Variants in CAPN2 observed in about 807,000 individuals in gnomAD.
The protein encoded by CAPN2 is calpain-2 catalytic subunit.
In CAPN2, 92 loss-of-function variants were observed where a neutral mutation model predicts 102.3. The observed-to-expected ratio is 0.90, with a 90% confidence interval of 0.76 to 1.07. The LOEUF (loss-of-function observed/expected upper bound fraction) is 1.07, where lower values mean the gene tolerates loss of function less well. Among genes scored for constraint, CAPN2 ranks in the 50% least tolerant of loss-of-function variants. CAPN2 has a pLI of 0.00. For synonymous variants in CAPN2, 340 were observed against 355.4 expected (o/e 0.96, Z 0.49); for missense variants, 800 against 909.4 (o/e 0.88, Z 1.55).
At chr1:223,768,962 G>C (rs1222148) in intron 16 of CAPN2, among the ~76,000 whole-genome samples, 46,208 of 151,980 alleles carry the variant, frequency 0.3, 10,182 homozygotes, top group African/African-American at 0.63. Context: ...CTTTCATGAG[G>C]ATCCTACTTC....
Position 223,774,867 on chromosome 1 carries a change from T to C in CAPN2, c.*10T>C, listed in dbSNP as rs1553256969. The C allele has an allele frequency of 1.2e-6, 2 of 1,611,330 alleles. No individual in the cohort carries two copies. The highest frequency in any genetic ancestry group is 1.6e-4 in the Middle Eastern group (1 of 6,082). The stretch of plus-strand genomic sequence containing the variant: ...TTTCTCAGTACTTTGAAGTTATAAC[T>C]AATCTGCCTGAAGACTTCTCATGAT... On this transcript the variant is annotated 3_prime_UTR_variant, in exon 21 of 21. Coordinates refer to ENST00000295006, the MANE Select transcript of CAPN2 (RefSeq NM_001748.5).
At chr1:223,757,082 G>A (rs1189689618) in intron 10 of CAPN2, among the ~76,000 whole-genome samples, 2 of 152,192 alleles carry the variant, frequency 1.3e-5, no homozygotes, top group African/African-American at 4.8e-5. Flanking sequence ...CTCTTTCCCT[G>A]CGTGGGAGGC....
chr1:223,771,825 T>C lies in CAPN2; in HGVS notation c.1920T>C (p.Cys640=). Residue 640 remains cysteine, a synonymous_variant, in exon 19 of 21, where the codon TGT becomes TGC. Transcript: ENST00000295006. ...TAACTTCAGGTTTCAAGATGCCCTG[T>C]CAACTCCACCAAGTCATCGTTGCTC... ...ALEEAGFKMP[C]QLHQVIVARF... The C allele has an allele frequency of 1.2e-6, 2 of 1,612,892 alleles. No individual in the cohort carries two copies. Among genetic ancestry groups the C allele is most frequent in the Non-Finnish European group, 8.5e-7 (1 of 1,178,826 alleles).
intron 2 of CAPN2, among the ~76,000 whole-genome samples, chr1:223,720,733 CTAAAG>C (rs1029741225): frequency 6.6e-6 from 1 of 152,182 alleles, no homozygotes; most frequent in African/African-American, 2.4e-5. Flanking sequence ...CATCCCAAAT[CTAAAG>C]TAAATATTCT....
At chr1:223,773,972 G>A (rs563342290) in intron 20 of CAPN2, among the ~76,000 whole-genome samples, 10 of 152,234 alleles carry the variant, frequency 6.6e-5, no homozygotes, top group East Asian at 1.9e-4. Context: ...AGTCAAGGCC[G>A]CAGTGAGCCA....
In CAPN2 at chr1:223,726,290, G is replaced by T. The variant is rs1660188046; in HGVS notation, c.307+8459G>T. On this transcript the variant is annotated intron_variant, in intron 2 of 20. Coordinates refer to ENST00000295006, the MANE Select transcript of CAPN2 (RefSeq NM_001748.5). This position sits in a 1 kb window ranked among gnomAD's most constrained non-coding sequence, Gnocchi z 4.4. Reference sequence around the variant, plus strand: ...TTCTGTGGGGTCTGTGATGAGAGCAGGGATGGGGAGGAAGAGGGTGGGTTT... The same window carrying T: ...TTCTGTGGGGTCTGTGATGAGAGCATGGATGGGGAGGAAGAGGGTGGGTTT... Among the ~76,000 whole-genome samples, 1 of 152,172 alleles carries T rather than the reference G, an allele frequency of 6.6e-6. No individual in the cohort carries two copies. The highest frequency in any genetic ancestry group is 2.1e-4 in the South Asian group (1 of 4,832).
intron 18 of CAPN2, chr1:223,771,108 T>A (rs1241039170): frequency 6.5e-6 from 1 of 153,306 alleles, no homozygotes; most frequent in African/African-American, 2.4e-5. Context: ...CCTCCTACTA[T>A]CCTACCATGT....
At chr1:223,757,842 TTTG>T (rs1041681248) in intron 11 of CAPN2, 26 of 150,172 alleles carry the variant, frequency 1.7e-4, no homozygotes, top group Admixed American at 1.0e-3. Flanking sequence ...ATTTCAGGGT[TTTG>T]TTTTTTTTTT....
rs537042023 is a variant in CAPN2 at position 223,753,787 on chromosome 1, A to G, written c.1135+831A>G. 2.1e-4 allele frequency among the ~76,000 whole-genome samples: 32 copies of G among 152,358 alleles called. 1 individual carries two copies. The South Asian group carries it at 6.4e-3, about 31-fold the overall frequency. ...TGCACAAAATTATTTTAAATATGCT[A>G]TAGAATTACCTTCAGCCTATGTGTA... On this transcript the variant is annotated intron_variant, in intron 9 of 20. Transcript: ENST00000295006.
intron 2 of CAPN2, among the ~76,000 whole-genome samples, chr1:223,736,349 G>A (rs1339429410): frequency 6.6e-6 from 1 of 152,202 alleles, no homozygotes; most frequent in African/African-American, 2.4e-5. Flanking sequence ...GCATCGGGCA[G>A]GTGCCTCCTG....
chr1:223,702,105 A>AGAAGGAAAGAAGGAAGGAAG (rs1659495148), intron 1 of CAPN2, among the ~76,000 whole-genome samples: 2 of 84,604 alleles, frequency 2.4e-5, no homozygotes, highest in Non-Finnish European at 4.3e-5. Context: ...AAAGAAGGAA[A>AGAAGGAAAGAAGGAAGGAAG]GAAGGAAGGA....
At chr1:223,735,268 A>C (rs755610492) in intron 2 of CAPN2, among the ~76,000 whole-genome samples, 1 of 152,172 alleles carries the variant, frequency 6.6e-6, no homozygotes, top group African/African-American at 2.4e-5. Context: ...TGGCTCATGC[A>C]TGTAATCCCA....
At position 223,731,382 on chromosome 1, in the gene CAPN2, C is replaced by T. The variant is rs1341300640; in HGVS notation, c.308-12718C>T. ...AGCCCCACAATGCCCGTCCTGCTGCCTGCCTGTTCTGGACTCTGCACTTGA... is the reference window on the plus strand; with the variant it reads ...AGCCCCACAATGCCCGTCCTGCTGCTTGCCTGTTCTGGACTCTGCACTTGA... On this transcript the variant is annotated intron_variant, in intron 2 of 20. Transcript: ENST00000295006. This position sits in a 1 kb window ranked among gnomAD's most constrained non-coding sequence, Gnocchi z 4.2. 6.6e-6 allele frequency among the ~76,000 whole-genome samples: 1 copy of T among 152,072 alleles called. No individual in the cohort carries two copies. The highest frequency in any genetic ancestry group is 1.9e-4 in the East Asian group (1 of 5,172).
chr1:223,751,942 C>A, intron 7 of CAPN2, 55 bp from the exon 8 acceptor site: 3 of 1,195,370 alleles, frequency 2.5e-6, no homozygotes, highest in Admixed American at 1.9e-5. Context: ...AACTCTGGGG[C>A]CTTTGGGGAG....
At chr1:223,735,977 A>G (rs1301700092) in intron 2 of CAPN2, among the ~76,000 whole-genome samples, 1 of 151,986 alleles carries the variant, frequency 6.6e-6, no homozygotes, top group African/African-American at 2.4e-5. Flanking sequence ...ACGGGGTTTC[A>G]CTATGTTGGC....
rs200417819 is a variant in CAPN2 at position 223,766,400 on chromosome 1, A to T, written c.1724A>T (p.Glu575Val). Residue 575 changes from glutamate to valine, a missense_variant, in exon 16 of 21, where the codon GAG becomes GTG. Physicochemically the swap from Glu to Val is moderately radical, Grantham distance 121. Coordinates refer to ENST00000295006, the MANE Select transcript of CAPN2 (RefSeq NM_001748.5). ...QDIKSDGFSI[E>V]TCKIMVDMLD... Reference sequence around the variant, plus strand: ...ATCAAGTCAGATGGCTTCAGCATCGAGACATGCAAAATTATGGTTGACATG... The same window carrying T: ...ATCAAGTCAGATGGCTTCAGCATCGTGACATGCAAAATTATGGTTGACATG... 112 of 1,613,834 alleles carry T rather than the reference A, an allele frequency of 6.9e-5. No individual in the cohort carries two copies. The highest frequency in any genetic ancestry group is 9.2e-5 in the Non-Finnish European group (108 of 1,179,788).
chr1:223,761,554 T>C (rs1382451989), intron 12 of CAPN2, 27 bp from the exon 13 acceptor site: 4 of 1,605,900 alleles, frequency 2.5e-6, no homozygotes, highest in Non-Finnish European at 2.6e-6. Flanking sequence ...TGCCTTCCAG[T>C]AACACATAAT....
At chr1:223,739,636 T>TC (rs1453009033) in intron 2 of CAPN2, among the ~76,000 whole-genome samples, 2 of 151,968 alleles carry the variant, frequency 1.3e-5, no homozygotes, top group Non-Finnish European at 2.9e-5. Flanking sequence ...CATCCCACCC[T>TC]CCCCTCTGCC....
Position 223,751,969 on chromosome 1 carries a change from A to T in CAPN2, c.900-28A>T, listed in dbSNP as rs1339333546. 5 of 1,501,188 alleles carry T rather than the reference A, an allele frequency of 3.3e-6. No individual in the cohort carries two copies. The Admixed American group carries it at 7.2e-5, about 22-fold the overall frequency. 93.0% of individuals were successfully genotyped at this position (1,501,188 alleles called of 1,614,324 possible). A position where few individuals can be genotyped will look rare whatever the true frequency, so the allele number is the denominator to read the frequency against. ...TTTGGGGAGAAATCATCGTACACTA[A>T]CGCCTCTCTCTTTACTTTGTTTTCC... On this transcript the variant is annotated intron_variant, in intron 7 of 20. Coordinates refer to ENST00000295006, the MANE Select transcript of CAPN2 (RefSeq NM_001748.5).
Sources: gnomAD v4.1 joint callset for allele counts (sites outside exome capture counted in the v4.1 genomes callset) on GRCh38, gnomAD v4.1.1 for gene constraint, Gnocchi (gnomAD v3.1) non-coding constraint, MANE v1.5 for transcripts, NCBI Gene and HGNC (gene_info 2026-07-23, HGNC 2026-07-21) for gene names.